NRXN3: variants seen among roughly 807,000 people sequenced by gnomAD.
NRXN3 encodes the protein neurexin III.
In NRXN3, 32 loss-of-function variants were observed where a neutral mutation model predicts 137.6. That is an observed-to-expected ratio of 0.23 (90% CI 0.18 to 0.31). The LOEUF (loss-of-function observed/expected upper bound fraction) is 0.31, where lower values mean the gene tolerates loss of function less well. Among genes scored for constraint, NRXN3 ranks in the 10% least tolerant of loss-of-function variants. The probability of loss-of-function intolerance (pLI) is 1.00; values close to 1 mark genes in which losing one functional copy is unlikely to be tolerated. For synonymous variants in NRXN3, 798 were observed against 784.5 expected (o/e 1.02, Z -0.29); for missense variants, 1,574 against 2,062.5 (o/e 0.76, Z 4.59).
chr14:79,542,656 T>C (rs931280359), intron 16 of NRXN3, among the ~76,000 whole-genome samples: 3 of 152,166 alleles, frequency 2.0e-5, no homozygotes, highest in African/African-American at 7.2e-5. Context: ...CTCCCTTTCC[T>C]GGGGTGCCTT....
intron 16 of NRXN3, among the ~76,000 whole-genome samples, chr14:79,556,011 C>T (rs1054558150): frequency 9.2e-5 from 14 of 152,068 alleles, no homozygotes; most frequent in Admixed American, 2.6e-4. Context: ...ACAAATTGCC[C>T]CAGAAAGAGA....
At chr14:79,860,205 A>G (rs1025586992) in intron 20 of NRXN3, among the ~76,000 whole-genome samples, 2 of 152,212 alleles carry the variant, frequency 1.3e-5, no homozygotes, top group East Asian at 3.8e-4. Context: ...GCAATCACCA[A>G]TTTAAAAAAC....
chr14:78,981,367 A>G (rs2099489014), intron 14 of NRXN3, among the ~76,000 whole-genome samples: 1 of 152,180 alleles, frequency 6.6e-6, no homozygotes, highest in African/African-American at 2.4e-5. Context: ...TGGCTTACAC[A>G]CATCCGTGAG....
intron 4 of NRXN3, among the ~76,000 whole-genome samples, chr14:78,366,785 C>T (rs777346127): frequency 9.2e-5 from 14 of 152,198 alleles, no homozygotes; most frequent in Non-Finnish European, 1.9e-4. Flanking sequence ...CAATTACCTC[C>T]CACTGGGTTC....
At chr14:79,174,590 C>G (rs1472174909) in intron 15 of NRXN3, among the ~76,000 whole-genome samples, 1 of 145,998 alleles carries the variant, frequency 6.8e-6, no homozygotes, top group African/African-American at 2.5e-5. Context: ...ATACCAGTAT[C>G]TAGCTATACA....
At chr14:78,773,867 T>C (rs1443216799) in intron 8 of NRXN3, among the ~76,000 whole-genome samples, 1 of 152,194 alleles carries the variant, frequency 6.6e-6, no homozygotes, top group Non-Finnish European at 1.5e-5. Flanking sequence ...AGTGGCGCGA[T>C]CTTGGCTCAC....
chr14:78,361,411 G>T (rs1370859322), intron 4 of NRXN3, among the ~76,000 whole-genome samples: 1 of 152,196 alleles, frequency 6.6e-6, no homozygotes, highest in East Asian at 1.9e-4. Context: ...AGTACAACTT[G>T]CTTAGATAAA....
chr14:78,891,222 C>T (rs923523364), intron 10 of NRXN3, among the ~76,000 whole-genome samples: 4 of 151,792 alleles, frequency 2.6e-5, no homozygotes, highest in Non-Finnish European at 5.9e-5. Flanking sequence ...AGTAAGCCTT[C>T]TCAATGTATT....
intron 16 of NRXN3, among the ~76,000 whole-genome samples, chr14:79,595,253 A>G (rs1382721281): frequency 1.3e-5 from 2 of 152,206 alleles, no homozygotes; most frequent in African/African-American, 4.8e-5. Flanking sequence ...TGTCCTGTTC[A>G]TATTGTGGAC....
chr14:79,183,342 G>A (rs757014042), intron 15 of NRXN3, among the ~76,000 whole-genome samples: 71 of 152,088 alleles, frequency 4.7e-4, no homozygotes, highest in Admixed American at 2.6e-4. Flanking sequence ...TTTCTGTTTC[G>A]TCCTTGCCTT....
At chr14:78,270,995 C>T (rs78978862) in intron 2 of NRXN3, among the ~76,000 whole-genome samples, 1 of 152,150 alleles carries the variant, frequency 6.6e-6, no homozygotes, top group Non-Finnish European at 1.5e-5. Flanking sequence ...ACTTCAGCTA[C>T]CGTGTGTGTT....
intron 4 of NRXN3, among the ~76,000 whole-genome samples, chr14:78,473,401 C>CA (rs34856071): frequency 0.06 from 7,030 of 117,460 alleles, 458 homozygotes; most frequent in East Asian, 0.36. Context: ...GACTCTGTCT[C>CA]AAAAAAAAAA....
intron 16 of NRXN3, among the ~76,000 whole-genome samples, chr14:79,528,532 GAT>G (rs1367403682): frequency 1.3e-5 from 2 of 152,078 alleles, no homozygotes; most frequent in African/African-American, 4.8e-5. Context: ...ATACTGGAAT[GAT>G]ATATGTGTGT....
chr14:79,080,724 T>TGG (rs1230603529), intron 15 of NRXN3, among the ~76,000 whole-genome samples: 2 of 152,276 alleles, frequency 1.3e-5, no homozygotes, highest in East Asian at 3.9e-4. Context: ...AGGAAGCCTG[T>TGG]GACAATTATT....
chr14:78,993,909 G>A (rs953653347), intron 15 of NRXN3, among the ~76,000 whole-genome samples: 1 of 141,890 alleles, frequency 7.0e-6, no homozygotes, highest in Non-Finnish European at 1.5e-5. Context: ...GATTGCAGTG[G>A]TGCGATCTCA....
At chr14:78,907,338 T>C (rs1437588548) in intron 10 of NRXN3, among the ~76,000 whole-genome samples, 4 of 152,006 alleles carry the variant, frequency 2.6e-5, no homozygotes, top group Non-Finnish European at 5.9e-5. Flanking sequence ...TTAGGTCACA[T>C]GGCCACTTTT....
chr14:79,240,831 G>GGAC (rs1445657190), intron 15 of NRXN3, among the ~76,000 whole-genome samples: 1 of 152,068 alleles, frequency 6.6e-6, no homozygotes, highest in Non-Finnish European at 1.5e-5. Flanking sequence ...TTTAAGACTA[G>GGAC]GACAATATTA....
chr14:78,674,956 A>G (rs751501460), intron 6 of NRXN3, among the ~76,000 whole-genome samples: 6 of 152,174 alleles, frequency 3.9e-5, no homozygotes, highest in Non-Finnish European at 7.4e-5. Flanking sequence ...TAGTCTAAGA[A>G]TGATTGAGTC....
intron 16 of NRXN3, among the ~76,000 whole-genome samples, chr14:79,504,641 T>TATATA (rs1555491923): frequency 1.0e-5 from 1 of 97,872 alleles, no homozygotes; most frequent in African/African-American, 3.7e-5. Flanking sequence ...ATGAAGTTTT[T>TATATA]TATATATATA....
Sources: allele counts gnomAD v4.1 joint callset (sites outside exome capture counted in the v4.1 genomes callset), GRCh38; gene constraint gnomAD v4.1.1; transcripts MANE v1.5; gene names NCBI Gene and HGNC (gene_info 2026-07-23, HGNC 2026-07-21).